GMDS: variants seen among roughly 807,000 people sequenced by gnomAD.
The protein encoded by GMDS is GDP-mannose 4,6-dehydratase, also known as GDP-mannose 4,6 dehydratase.
In GMDS, 20 loss-of-function variants were observed where a neutral mutation model predicts 49.9. That is an observed-to-expected ratio of 0.40 (90% CI 0.28 to 0.58). The LOEUF is 0.58. GMDS is among the 20% of genes least tolerant of loss of function. The pLI, the probability that GMDS is intolerant of heterozygous loss-of-function variation, is 0.42. For synonymous variants in GMDS, 177 were observed against 178.6 expected (o/e 0.99, Z 0.07); for missense variants, 362 against 481.4 (o/e 0.75, Z 2.32).
intron 7 of GMDS, among the ~76,000 whole-genome samples, chr6:1,905,013 T>TA (rs1164587221): frequency 1.3e-5 from 2 of 152,084 alleles, no homozygotes; most frequent in Non-Finnish European, 2.9e-5. Context: ...AAAAGATGGA[T>TA]AGAGGTAGCA....
At position 2,016,083 on chromosome 6, in the gene GMDS, A is replaced by T. The variant is rs1260062339; in HGVS notation, c.346-55117T>A. On this transcript the variant is annotated intron_variant, in intron 4 of 10. Transcript: ENST00000380815. The stretch of plus-strand genomic sequence containing the variant: ...CCCTGTTTCTAAAAAAAAAAAAAAT[A>T]AATTAAAAAAAAAAAAAACAGAAAA... 1.6e-3 allele frequency among the ~76,000 whole-genome samples: 120 copies of T among 75,580 alleles called. 1 individual carries two copies. The highest frequency in any genetic ancestry group is 2.4e-3 in the Non-Finnish European group (82 of 34,540). The allele number at this position is 75,580 out of a possible 152,430, so 49.6% of individuals were successfully genotyped here. A position where few individuals can be genotyped will look rare whatever the true frequency, so the allele number is the denominator to read the frequency against.
intron 9 of GMDS, among the ~76,000 whole-genome samples, chr6:1,628,834 T>C (rs1265499208): frequency 1.3e-5 from 2 of 152,184 alleles, no homozygotes; most frequent in Non-Finnish European, 2.9e-5. Flanking sequence ...GATACAGAGC[T>C]GTGAGGGGCG....
intron 1 of GMDS, among the ~76,000 whole-genome samples, chr6:2,233,202 T>C (rs186631801): frequency 1.1e-4 from 17 of 152,322 alleles, no homozygotes; most frequent in Admixed American, 3.3e-4. Context: ...TCAGTACTTT[T>C]GTTCTCTCTC....
rs199796724 is a variant in GMDS at position 1,624,534 on chromosome 6, G to T, written c.994C>A (p.Leu332Met). The change falls in exon 10 of 11, where the codon CTG becomes ATG. Residue 332 changes from leucine (L) to methionine (M), a missense_variant. Transcript: ENST00000380815. ...TTCGCTTTGGTGCAGTCGCCCTGCA[G>T]AAAGTCCTAGGGAAGAAGAGGGGGA... is the stretch of plus-strand genomic sequence containing the variant. ...KYYRPTEVDF[L>M]QGDCTKAKQK... The T allele has an allele frequency of 6.2e-7, 1 of 1,612,954 alleles. No individual in the cohort carries two copies. The highest frequency in any genetic ancestry group is 1.7e-5 in the Admixed American group (1 of 60,008).
At chr6:2,151,441 AT>A (rs1203205895) in intron 1 of GMDS, among the ~76,000 whole-genome samples, 3 of 152,128 alleles carry the variant, frequency 2.0e-5, no homozygotes, top group African/African-American at 7.2e-5. Context: ...AGTAAATAAA[AT>A]TTACAATACA....
intron 9 of GMDS, among the ~76,000 whole-genome samples, chr6:1,698,274 T>C (rs1328931539): frequency 6.6e-6 from 1 of 152,214 alleles, no homozygotes; most frequent in African/African-American, 2.4e-5. Flanking sequence ...ATAGCTGGTA[T>C]ACATGTGAGG....
chr6:1,889,365 C>T (rs1413234165), intron 7 of GMDS, among the ~76,000 whole-genome samples: 1 of 152,030 alleles, frequency 6.6e-6, no homozygotes, highest in Non-Finnish European at 1.5e-5. Context: ...TGGTTTCTTC[C>T]TTATCTCTCA....
At chr6:1,966,905 C>T (rs1285521891) in intron 4 of GMDS, among the ~76,000 whole-genome samples, 1 of 152,216 alleles carries the variant, frequency 6.6e-6, no homozygotes, top group African/African-American at 2.4e-5. Context: ...TTTAGTCTGG[C>T]ATCACCTTTC....
At chr6:1,910,154 T>C (rs984401073) in intron 7 of GMDS, among the ~76,000 whole-genome samples, 17 of 152,068 alleles carry the variant, frequency 1.1e-4, no homozygotes, top group African/African-American at 3.6e-4. Context: ...TATAGTGTAA[T>C]AATCACTGAA....
intron 7 of GMDS, among the ~76,000 whole-genome samples, chr6:1,928,721 C>A (rs1386916239): frequency 6.6e-6 from 1 of 152,118 alleles, no homozygotes; most frequent in African/African-American, 2.4e-5. Flanking sequence ...GTAATCCCAG[C>A]ACTTTGGGAG....
intron 4 of GMDS, among the ~76,000 whole-genome samples, chr6:2,037,753 C>G (rs548405498): frequency 7.1e-4 from 108 of 152,210 alleles, no homozygotes; most frequent in African/African-American, 2.5e-3. Context: ...TGTTTACAAC[C>G]GCTCAAGCCG....
At chr6:2,124,290 C>G (rs1775297591) in intron 2 of GMDS, among the ~76,000 whole-genome samples, 1 of 152,100 alleles carries the variant, frequency 6.6e-6, no homozygotes, top group African/African-American at 2.4e-5. Context: ...TCAAGTTTGC[C>G]AACAATCAGC....
chr6:2,017,666 A>G (rs1767996133), intron 4 of GMDS, among the ~76,000 whole-genome samples: 1 of 152,290 alleles, frequency 6.6e-6, no homozygotes, highest in Admixed American at 6.5e-5. Context: ...ATTGCAGTCA[A>G]AAATCCATTT....
chr6:1,630,908 C>T (rs772969287), intron 9 of GMDS, among the ~76,000 whole-genome samples: 20 of 151,852 alleles, frequency 1.3e-4, no homozygotes, highest in Non-Finnish European at 2.4e-4. Flanking sequence ...AGTTGTGATG[C>T]GGGGGCCATT....
At chr6:1,798,892 T>C (rs1769840017) in intron 7 of GMDS, among the ~76,000 whole-genome samples, 1 of 152,156 alleles carries the variant, frequency 6.6e-6, no homozygotes, top group South Asian at 2.1e-4. Context: ...TCTTGCTTGC[T>C]TCAAAACATA....
chr6:2,031,993 T>C (rs988828624), intron 4 of GMDS, among the ~76,000 whole-genome samples: 1 of 152,210 alleles, frequency 6.6e-6, no homozygotes, highest in Admixed American at 6.5e-5. Flanking sequence ...AGTCTTAAAC[T>C]ATATTAAAAA....
chr6:1,858,299 A>C (rs1197132152), intron 7 of GMDS, among the ~76,000 whole-genome samples: 2 of 152,190 alleles, frequency 1.3e-5, no homozygotes, highest in African/African-American at 2.4e-5. Flanking sequence ...CCGGGTTAAC[A>C]ATCGCTATTT....
chr6:1,931,839 C>G (rs1166535794), intron 6 of GMDS, among the ~76,000 whole-genome samples: 1 of 152,158 alleles, frequency 6.6e-6, no homozygotes, highest in African/African-American at 2.4e-5. Context: ...TGACCCTATT[C>G]ATACAATTTA....
intron 9 of GMDS, among the ~76,000 whole-genome samples, chr6:1,648,344 G>A (rs572150241): frequency 6.6e-6 from 1 of 152,204 alleles, no homozygotes; most frequent in African/African-American, 2.4e-5. Flanking sequence ...TTGGTCGGAA[G>A]GAAACCTTTC....
Sources: gnomAD v4.1 joint callset for allele counts (sites outside exome capture counted in the v4.1 genomes callset) on GRCh38, gnomAD v4.1.1 for gene constraint, MANE v1.5 for transcripts, NCBI Gene and HGNC (gene_info 2026-07-23, HGNC 2026-07-21) for gene names.